STX6: variants seen among roughly 807,000 people sequenced by gnomAD.
STX6 encodes the protein syntaxin 6, also known as syntaxin-6.
Under a neutral mutation model 38.0 loss-of-function variants are expected in STX6, and 23 were observed. The observed-to-expected ratio is 0.60, with a 90% CI of 0.43 to 0.86. STX6 has a LOEUF of 0.86. Among genes scored for constraint, STX6 ranks in the 40% least tolerant of loss-of-function variants. The probability of loss-of-function intolerance (pLI) is 0.00; values close to 1 mark genes in which losing one functional copy is unlikely to be tolerated. For missense variants in STX6, 274 were observed against 312.9 expected (o/e 0.88, Z 0.94); for synonymous variants, 123 against 107.5 (o/e 1.14, Z -0.89).
At chr1:181,004,355 C>T (rs7517523) in intron 2 of STX6, among the ~76,000 whole-genome samples, 11 of 152,206 alleles carry the variant, frequency 7.2e-5, no homozygotes, top group Non-Finnish European at 1.2e-4. Context: ...AGCCTCAGGA[C>T]GAGGGGCTGG....
chr1:180,984,137 G>T (rs1655502836), intron 7 of STX6, among the ~76,000 whole-genome samples: 1 of 150,336 alleles, frequency 6.7e-6, no homozygotes, highest in South Asian at 2.1e-4. Context: ...CACGGTGGGG[G>T]ATCACAAAGC....
rs183219129 is a variant in STX6 at position 181,009,302 on chromosome 1, A to C, written c.36-3839T>G. 3.9e-5 allele frequency among the ~76,000 whole-genome samples: 6 copies of C among 152,150 alleles called. 1 individual carries two copies. The East Asian group carries it at 9.7e-4, about 24-fold the overall frequency. On this transcript the variant is annotated intron_variant, in intron 1 of 7. Transcript: ENST00000258301. ...ACCAACATGGTAAAACCCCATCTCT[A>C]CTAAAAATACAAAAAAATTAGCCGG...
intron 2 of STX6, among the ~76,000 whole-genome samples, chr1:181,004,051 C>T (rs1656156956): frequency 6.6e-6 from 1 of 152,206 alleles, no homozygotes; most frequent in Non-Finnish European, 1.5e-5. Flanking sequence ...ACTGCTAACA[C>T]TATTACATAA....
chr1:181,004,210 T>C (rs554229665), intron 2 of STX6, among the ~76,000 whole-genome samples: 3 of 152,304 alleles, frequency 2.0e-5, no homozygotes, highest in East Asian at 3.9e-4. Flanking sequence ...TGGTAACTGG[T>C]TGTGATACTG....
chr1:181,013,686 G>A (rs1165671679), intron 1 of STX6, among the ~76,000 whole-genome samples: 1 of 152,186 alleles, frequency 6.6e-6, no homozygotes, highest in Non-Finnish European at 1.5e-5. Flanking sequence ...ATTTAGTGGT[G>A]TAAAACAACC....
At chr1:181,014,787 C>A (rs180716170) in intron 1 of STX6, among the ~76,000 whole-genome samples, 2 of 152,352 alleles carry the variant, frequency 1.3e-5, no homozygotes, top group South Asian at 2.1e-4. Flanking sequence ...GAAACACATG[C>A]ACACCCTTTA....
At position 180,973,303 on chromosome 1, in the gene STX6, T is replaced by C. The variant is rs1305811226; in HGVS notation, c.*3267A>G. On this transcript the variant is annotated 3_prime_UTR_variant, in exon 8 of 8. Transcript: ENST00000258301. ...CATTCATATTTATCATTCAATTTTTTGATCTTCAAATGTTATGAATTCTCC... is the reference window on the plus strand; with the variant it reads ...CATTCATATTTATCATTCAATTTTTCGATCTTCAAATGTTATGAATTCTCC... The C allele has an allele frequency of 6.6e-6, 1 of 152,432 alleles. No individual in the cohort carries two copies. Among genetic ancestry groups the C allele is most frequent in the African/African-American group, 2.4e-5 (1 of 41,460 alleles). The allele number at this position is 152,432 out of a possible 1,614,324, so 9.4% of individuals were successfully genotyped here.
At chr1:180,988,443 A>C in intron 5 of STX6, 98 bp from the exon 6 acceptor site, 1 of 873,340 alleles carries the variant, frequency 1.1e-6, no homozygotes, top group South Asian at 1.4e-5. Context: ...CCAACTTGGG[A>C]CAATTCACAT....
rs954932508 is a variant in STX6 at position 180,976,494 on chromosome 1, A to C, written c.*76T>G. On this transcript the variant is annotated 3_prime_UTR_variant, in exon 8 of 8. Transcript: ENST00000258301. ...CAGGATAGGAATGTGAGTAGACGGCAATGTCACACGTGCTCAGCTTCTCCT... is the reference window on the plus strand; with the variant it reads ...CAGGATAGGAATGTGAGTAGACGGCCATGTCACACGTGCTCAGCTTCTCCT... 1 of 1,265,224 alleles carries C rather than the reference A, an allele frequency of 7.9e-7. No individual in the cohort carries two copies. The allele number at this position is 1,265,224 out of a possible 1,614,324, so 78.4% of individuals were successfully genotyped here.
At chr1:181,009,764 A>G (rs1027472165) in intron 1 of STX6, among the ~76,000 whole-genome samples, 1 of 149,156 alleles carries the variant, frequency 6.7e-6, no homozygotes, top group South Asian at 2.1e-4. Flanking sequence ...ACCATACCCC[A>G]AAGTCCCACT....
At chr1:181,021,219 C>T (rs573718033) in intron 1 of STX6, among the ~76,000 whole-genome samples, 1 of 152,070 alleles carries the variant, frequency 6.6e-6, no homozygotes, top group Non-Finnish European at 1.5e-5. Context: ...CCAGAGATAA[C>T]CTTTGCCAAC....
intron 7 of STX6, among the ~76,000 whole-genome samples, chr1:180,984,063 C>CAAAA (rs10625558): frequency 0.22 from 1,529 of 7,108 alleles, 414 homozygotes; most frequent in East Asian, 0.24. Flanking sequence ...GGCTCCATCT[C>CAAAA]AAAAAAAAAA....
chr1:180,990,179 C>G (rs920664605), intron 4 of STX6, 70 bp from the exon 5 acceptor site: 1 of 1,576,866 alleles, frequency 6.3e-7, no homozygotes. Flanking sequence ...AGTGATGCAT[C>G]AAGAGTGATA....
intron 1 of STX6, among the ~76,000 whole-genome samples, chr1:181,016,099 A>T (rs1033535459): frequency 9.9e-5 from 15 of 151,784 alleles, no homozygotes; most frequent in Non-Finnish European, 5.9e-5. Flanking sequence ...TTAAATTTAA[A>T]CTCCTCAGGC....
In STX6 at chr1:180,984,217, A is replaced by G. The variant is rs1655504648; in HGVS notation, c.691+460T>C. 4.6e-5 allele frequency among the ~76,000 whole-genome samples: 7 copies of G among 151,498 alleles called. No homozygotes were observed. In the South Asian group the frequency reaches 1.5e-3, roughly 32 times the overall value. On this transcript the variant is annotated intron_variant, in intron 7 of 7. Coordinates refer to ENST00000258301, the MANE Select transcript of STX6 (RefSeq NM_005819.6). ...GCACATACAAGTCTTCCATTCTCTG[A>G]TTCTAAGGCATCACAAAAAAAAAAA...
intron 7 of STX6, among the ~76,000 whole-genome samples, chr1:180,980,254 G>A (rs1351752718): frequency 2.1e-5 from 3 of 145,828 alleles, no homozygotes; most frequent in Non-Finnish European, 4.5e-5. Flanking sequence ...GGAAGCATAC[G>A]AAAAGATGTT....
chr1:180,993,265 C>T, intron 4 of STX6, 98 bp downstream of exon 4: 2 of 761,296 alleles, frequency 2.6e-6, no homozygotes, highest in South Asian at 1.6e-5. Flanking sequence ...AAGTCTTCCT[C>T]TTGATTACAT....
intron 3 of STX6, among the ~76,000 whole-genome samples, chr1:180,999,658 AAAG>A (rs1436807498): frequency 1.5e-3 from 3 of 2,010 alleles, no homozygotes; most frequent in East Asian, 0.028. Context: ...TGAAGCAAAT[AAAG>A]AAAAAAAAAA....
intron 1 of STX6, among the ~76,000 whole-genome samples, chr1:181,008,247 T>G (rs796256851): frequency 9.2e-5 from 14 of 152,338 alleles, no homozygotes; most frequent in African/African-American, 3.4e-4. Context: ...TCTCAGTCAT[T>G]AGGGCGCTTT....
Sources: allele counts gnomAD v4.1 joint callset (sites outside exome capture counted in the v4.1 genomes callset), GRCh38; gene constraint gnomAD v4.1.1; transcripts MANE v1.5; gene names NCBI Gene and HGNC (gene_info 2026-07-23, HGNC 2026-07-21).